Variants in SCAI observed in about 807,000 individuals in gnomAD.
SCAI encodes protein SCAI.
A neutral mutation model predicts 92.2 loss-of-function variants in SCAI; 24 were observed. The observed-to-expected ratio is 0.26, with a 90% CI of 0.19 to 0.37. SCAI has a LOEUF of 0.37. SCAI is among the 10% of genes least tolerant of loss of function. The pLI is 1.00. For synonymous variants in SCAI, 261 were observed against 258.6 expected, an observed-to-expected ratio of 1.01 and a Z score of -0.09; for missense variants, 450 against 736.2, an observed-to-expected ratio of 0.61 and a Z score of 4.50.
intron 4 of SCAI, among the ~76,000 whole-genome samples, chr9:125,028,945 GCAC>G (rs1833017431): frequency 1.3e-5 from 2 of 151,896 alleles, no homozygotes; most frequent in Admixed American, 6.6e-5. Flanking sequence ...TTACAGGTGT[GCAC>G]CACCATGCCC....
At chr9:124,969,711 C>T (rs1474687143) in intron 17 of SCAI, among the ~76,000 whole-genome samples, 1 of 152,148 alleles carries the variant, frequency 6.6e-6, no homozygotes, top group East Asian at 1.9e-4. Flanking sequence ...CTGATACAAC[C>T]GCTTTGGAAC....
At chr9:125,039,828 A>G (rs778637686) in intron 3 of SCAI, among the ~76,000 whole-genome samples, 33 of 152,328 alleles carry the variant, frequency 2.2e-4, no homozygotes, top group East Asian at 1.9e-4. Flanking sequence ...AAGCAAATCT[A>G]TTAGCCCAAC....
At chr9:125,075,557 C>A (rs1018305018) in intron 2 of SCAI, among the ~76,000 whole-genome samples, 3 of 150,766 alleles carry the variant, frequency 2.0e-5, no homozygotes, top group African/African-American at 7.4e-5. Context: ...ACCACCACGT[C>A]CAGCTAATTT....
chr9:125,110,455 G>A (rs942799729), intron 2 of SCAI, among the ~76,000 whole-genome samples: 1 of 152,178 alleles, frequency 6.6e-6, no homozygotes, highest in Non-Finnish European at 1.5e-5. Flanking sequence ...GACCAGCCTG[G>A]ACGACTGATA....
chr9:125,129,592 T>G (rs567264316), intron 2 of SCAI, among the ~76,000 whole-genome samples: 1 of 147,098 alleles, frequency 6.8e-6, no homozygotes, highest in Non-Finnish European at 1.5e-5. Context: ...GCCTACCAAG[T>G]AGATGGGATT....
intron 17 of SCAI, among the ~76,000 whole-genome samples, chr9:124,958,883 G>T (rs1831374702): frequency 1.2e-5 from 1 of 83,612 alleles, no homozygotes. Context: ...CTCCAGCCTG[G>T]GTGAGAGTGA....
intron 2 of SCAI, among the ~76,000 whole-genome samples, chr9:125,083,896 G>A (rs1834269134): frequency 6.6e-6 from 1 of 152,086 alleles, no homozygotes; most frequent in Admixed American, 6.5e-5. Context: ...ACAGCAGGAA[G>A]GGAGAATGAC....
rs1831731204 is a variant in SCAI, at chr9:124,975,201, A to G, written c.1399+913T>C. On this transcript the variant is annotated intron_variant, in intron 15 of 17. Transcript: ENST00000336505. The stretch of plus-strand genomic sequence containing the variant: ...AGTAATTTTACTTTTGGATACATGA[A>G]GTTAATATTTCTACATGTTTTTCCC... 1.1e-5 allele frequency: 4 copies of G among 364,226 alleles called. No homozygotes were observed. The Admixed American group carries it at 1.4e-4, about 13-fold the overall frequency. The allele number at this position is 364,226 out of a possible 1,614,324, so 22.6% of individuals were successfully genotyped here. A position where few individuals can be genotyped will look rare whatever the true frequency, so the allele number is the denominator to read the frequency against.
intron 17 of SCAI, among the ~76,000 whole-genome samples, chr9:124,969,239 C>T (rs1831604269): frequency 6.6e-6 from 1 of 152,150 alleles, no homozygotes; most frequent in African/African-American, 2.4e-5. Context: ...GCCACTGCGC[C>T]TGGCCCATTG....
In SCAI at chr9:125,031,005, A is replaced by G. The variant is rs115544057; in HGVS notation, c.231-1266T>C. Reference sequence around the variant, plus strand: ...AAATTCAGCCTCATCTTCGAGGGCAAAACTTCTTCATTAAAGTCTGTGAAT... The same window carrying G: ...AAATTCAGCCTCATCTTCGAGGGCAGAACTTCTTCATTAAAGTCTGTGAAT... On this transcript the variant is annotated intron_variant, in intron 3 of 17. Transcript: ENST00000336505. Among the ~76,000 whole-genome samples, 1,461 of 152,346 alleles carry G rather than the reference A, an allele frequency of 9.6e-3. 16 individuals carry two copies. The highest frequency in any genetic ancestry group is 0.033 in the African/African-American group (1,393 of 41,588).
chr9:125,137,310 TGA>T (rs1415143039), intron 2 of SCAI, among the ~76,000 whole-genome samples: 1 of 152,210 alleles, frequency 6.6e-6, no homozygotes, highest in Non-Finnish European at 1.5e-5. Flanking sequence ...GATTCTGGAC[TGA>T]GAAAATAAAC....
At chr9:124,994,617 T>A (rs2131620794) in intron 14 of SCAI, among the ~76,000 whole-genome samples, 1 of 152,254 alleles carries the variant, frequency 6.6e-6, no homozygotes, top group Middle Eastern at 3.4e-3. Flanking sequence ...TACCTCTACC[T>A]CTATAAAAGA....
chr9:124,975,199 G>T (rs1314702715), intron 15 of SCAI: 1 of 359,892 alleles, frequency 2.8e-6, no homozygotes, highest in African/African-American at 2.1e-5. Context: ...TTGGATACAT[G>T]AAGTTAATAT....
rs529592930 is a variant in SCAI at position 124,995,511 on chromosome 9, G to A, written c.1245-496C>T. ...CACTATTTTTTTTTTTAAAGACACC[G>A]TCTTGCTCCGTGGCCCAGGCTGGAG... is the stretch of plus-strand genomic sequence containing the variant. On this transcript the variant is annotated intron_variant, in intron 13 of 17. Coordinates refer to ENST00000336505, the MANE Select transcript of SCAI (RefSeq NM_001144877.3). 5.3e-5 allele frequency among the ~76,000 whole-genome samples: 8 copies of A among 151,618 alleles called. 1 individual carries two copies. Among genetic ancestry groups the A allele is most frequent in the African/African-American group, 1.9e-4 (8 of 41,322 alleles).
chr9:125,140,228 G>A (rs547602413), intron 2 of SCAI, among the ~76,000 whole-genome samples: 1 of 149,058 alleles, frequency 6.7e-6, no homozygotes, highest in Non-Finnish European at 1.5e-5. Context: ...AAATAAAAAG[G>A]AAAAAGAAGT....
intron 2 of SCAI, among the ~76,000 whole-genome samples, chr9:125,123,582 C>T (rs931092238): frequency 7.9e-5 from 12 of 152,110 alleles, no homozygotes; most frequent in South Asian, 4.1e-4. Flanking sequence ...CGAGAACATC[C>T]TAGCTAACAC....
At chr9:125,089,585 C>G (rs1405650484) in intron 2 of SCAI, among the ~76,000 whole-genome samples, 2 of 152,296 alleles carry the variant, frequency 1.3e-5, no homozygotes, top group East Asian at 3.9e-4. Flanking sequence ...CACTTCAGAC[C>G]TACAAAATCA....
At chr9:125,029,332 G>A (rs1290032148) in intron 4 of SCAI, among the ~76,000 whole-genome samples, 1 of 151,950 alleles carries the variant, frequency 6.6e-6, no homozygotes. Flanking sequence ...ATGCTGCCAA[G>A]GCTGGTCTCA....
intron 2 of SCAI, among the ~76,000 whole-genome samples, chr9:125,073,327 A>G (rs1348192733): frequency 6.6e-6 from 1 of 150,938 alleles, no homozygotes; most frequent in Non-Finnish European, 1.5e-5. Context: ...GATGGTCTCG[A>G]TCTCCTGACC....
Sources: gnomAD v4.1 joint callset for allele counts (sites outside exome capture counted in the v4.1 genomes callset) on GRCh38, gnomAD v4.1.1 for gene constraint, MANE v1.5 for transcripts, NCBI Gene and HGNC (gene_info 2026-07-23, HGNC 2026-07-21) for gene names.